The following PTP4A3 variants were observed in gnomAD, a reference collection of about 807,000 sequenced individuals.
PTP4A3 encodes protein tyrosine phosphatase 4A3.
Under a neutral mutation model 15.2 loss-of-function variants are expected in PTP4A3, and 9 were observed. That is an observed-to-expected ratio of 0.59 (90% CI 0.36 to 1.03). The LOEUF is 1.03. PTP4A3 is among the 50% of genes least tolerant of loss of function. PTP4A3 has a pLI of 0.02. For synonymous variants in PTP4A3, 95 were observed against 102.0 expected, an observed-to-expected ratio of 0.93 and a Z score of 0.41; for missense variants, 234 against 252.1, an observed-to-expected ratio of 0.93 and a Z score of 0.49.
At chr8:141,418,231 C>T (rs2130063972) in intron 1 of PTP4A3, among the ~76,000 whole-genome samples, 2 of 152,336 alleles carry the variant, frequency 1.3e-5, no homozygotes, top group East Asian at 3.9e-4. Flanking sequence ...GCTTACTTCT[C>T]CTGAGACCCG....
In PTP4A3 at chr8:141,425,199, G is replaced by T; in HGVS notation, c.198+59G>T. On this transcript the variant is annotated intron_variant, in intron 3 of 5. Coordinates refer to ENST00000521578, the MANE Select transcript of PTP4A3 (RefSeq NM_032611.3). This position sits in a 1 kb window ranked among gnomAD's most constrained non-coding sequence, Gnocchi z 4.2. ...CTGCCACCGGGGGAGGGTGGGGCGG[G>T]GGGCTCCGGGCCTGCGCAGAGGGTT... 2 of 844,216 alleles carry T rather than the reference G, an allele frequency of 2.4e-6. No homozygotes were observed. Among genetic ancestry groups the T allele is most frequent in the South Asian group, 1.4e-5 (1 of 72,656 alleles). 52.3% of individuals were successfully genotyped at this position (844,216 alleles called of 1,614,324 possible).
At chr8:141,424,917 A>G (rs1229725188) in intron 2 of PTP4A3, 131 bp from the exon 3 acceptor site, 10 of 740,528 alleles carry the variant, frequency 1.4e-5, no homozygotes, top group Non-Finnish European at 2.0e-5. Context: ...GAGAGGTCTG[A>G]GGGGACATGT....
Position 141,431,406 on chromosome 8 carries a change from C to A in PTP4A3, c.*362C>A, listed in dbSNP as rs1833871343. 3.6e-6 allele frequency: 1 copy of A among 280,662 alleles called. No individual in the cohort carries two copies. The highest frequency in any genetic ancestry group is 2.2e-5 in the African/African-American group (1 of 45,050). 17.4% of individuals were successfully genotyped at this position (280,662 alleles called of 1,614,324 possible). A position where few individuals can be genotyped will look rare whatever the true frequency, so the allele number is the denominator to read the frequency against. The stretch of plus-strand genomic sequence containing the variant: ...GGGGTATATTTTGTAACCACTGGGC[C>A]CCCAGCCCCTCTTTTGCGACCCCTT... On this transcript the variant is annotated 3_prime_UTR_variant, in exon 6 of 6. Coordinates refer to ENST00000521578, the MANE Select transcript of PTP4A3 (RefSeq NM_032611.3).
At chr8:141,399,336 C>T (rs1488797983) in intron 1 of PTP4A3, among the ~76,000 whole-genome samples, 1 of 152,244 alleles carries the variant, frequency 6.6e-6, no homozygotes, top group Non-Finnish European at 1.5e-5. Flanking sequence ...CCTGGGTCAG[C>T]CGCAGAGGCC....
intron 2 of PTP4A3, among the ~76,000 whole-genome samples, chr8:141,424,247 G>A (rs1384820298): frequency 6.6e-6 from 1 of 152,160 alleles, no homozygotes; most frequent in African/African-American, 2.4e-5. Flanking sequence ...AAATAGCTAC[G>A]AGAGCAGGTG....
chr8:141,395,191 G>A (rs757281064), intron 1 of PTP4A3, among the ~76,000 whole-genome samples: 4 of 152,000 alleles, frequency 2.6e-5, no homozygotes, highest in Non-Finnish European at 4.4e-5. Context: ...CCCAGTAGGC[G>A]TTCACCTGGC....
At chr8:141,411,169 G>A (rs536322984) in intron 1 of PTP4A3, among the ~76,000 whole-genome samples, 10 of 152,302 alleles carry the variant, frequency 6.6e-5, no homozygotes, top group Admixed American at 3.3e-4. Context: ...GCCGAGCCCC[G>A]CTTTTTCTGC....
intron 1 of PTP4A3, among the ~76,000 whole-genome samples, chr8:141,421,045 C>T (rs1382824660): frequency 6.6e-6 from 1 of 152,180 alleles, no homozygotes. Context: ...CCTCTGTCCC[C>T]ACAGAGGGAT....
In PTP4A3 at chr8:141,431,421, T is replaced by TG. The variant is rs1833872564; in HGVS notation, c.*378dup. 1 of 259,870 alleles carries TG rather than the reference T, an allele frequency of 3.8e-6. No individual in the cohort carries two copies. The highest frequency in any genetic ancestry group is 2.3e-5 in the African/African-American group (1 of 44,134). The allele number at this position is 259,870 out of a possible 1,614,324, so 16.1% of individuals were successfully genotyped here. The stretch of plus-strand genomic sequence containing the variant: ...ACCACTGGGCCCCCAGCCCCTCTTT[T>TG]GCGACCCCTTGTCCTGACCTGTTCT... On this transcript the variant is annotated 3_prime_UTR_variant, in exon 6 of 6. Coordinates refer to ENST00000521578, the MANE Select transcript of PTP4A3 (RefSeq NM_032611.3).
At chr8:141,413,255 G>A (rs1832916564) in intron 1 of PTP4A3, among the ~76,000 whole-genome samples, 2 of 152,236 alleles carry the variant, frequency 1.3e-5, no homozygotes, top group South Asian at 2.1e-4. Context: ...AGGGACTGGG[G>A]CGGGGAGAGG....
chr8:141,414,987 G>A (rs1832983455), intron 1 of PTP4A3, among the ~76,000 whole-genome samples: 1 of 147,928 alleles, frequency 6.8e-6, no homozygotes, highest in African/African-American at 2.5e-5. Flanking sequence ...GTTAGAAGTT[G>A]TGTATATGGG....
intron 5 of PTP4A3, 69 bp from the exon 6 acceptor site, chr8:141,430,858 T>A: frequency 6.7e-7 from 1 of 1,485,928 alleles, no homozygotes; most frequent in African/African-American, 1.4e-5. Flanking sequence ...AGATTCCAGC[T>A]CCCTGGGGCA....
Position 141,421,970 on chromosome 8 carries a change from G to A in PTP4A3, c.-271G>A. ...CCGCTTTACTTTGGTTGGGTTGGGG[G>A]GGGCGGCGGGCTGTTTTGTTCCTTT... On this transcript the variant is annotated 5_prime_UTR_variant, in exon 2 of 6. Transcript: ENST00000521578. 1 of 433,340 alleles carries A rather than the reference G, an allele frequency of 2.3e-6. No homozygotes were observed. Among genetic ancestry groups the A allele is most frequent in the South Asian group, 3.8e-5 (1 of 26,278 alleles). 26.8% of individuals were successfully genotyped at this position (433,340 alleles called of 1,614,324 possible). A position where few individuals can be genotyped will look rare whatever the true frequency, so the allele number is the denominator to read the frequency against.
chr8:141,414,134 GA>G (rs1403138909), intron 1 of PTP4A3, among the ~76,000 whole-genome samples: 2 of 152,232 alleles, frequency 1.3e-5, no homozygotes, highest in Non-Finnish European at 2.9e-5. Context: ...GTGCTTGCCA[GA>G]GCTTCCCATT....
intron 2 of PTP4A3, among the ~76,000 whole-genome samples, chr8:141,423,870 A>G (rs1586562975): frequency 6.6e-6 from 1 of 151,804 alleles, no homozygotes; most frequent in South Asian, 2.1e-4. Context: ...GACCCAGATC[A>G]AGGCTCGGTA....
intron 3 of PTP4A3, 180 bp from the exon 4 acceptor site, chr8:141,426,759 A>T (rs1833593043): frequency 1.1e-6 from 1 of 925,354 alleles, no homozygotes; most frequent in Non-Finnish European, 1.3e-6. Context: ...TGAAGCACTC[A>T]CCATGGGGTG....
chr8:141,403,409 C>T (rs868617017), intron 1 of PTP4A3, among the ~76,000 whole-genome samples: 2 of 152,226 alleles, frequency 1.3e-5, no homozygotes, highest in Non-Finnish European at 2.9e-5. Flanking sequence ...AGGCTGGCCA[C>T]AGGGGCACCC....
intron 1 of PTP4A3, among the ~76,000 whole-genome samples, chr8:141,395,872 G>C (rs1257524631): frequency 1.3e-5 from 2 of 152,208 alleles, no homozygotes; most frequent in South Asian, 2.1e-4. Flanking sequence ...CAGATGTAGG[G>C]GTGCCCTCAT....
chr8:141,417,922 G>A (rs1269809132), intron 1 of PTP4A3, among the ~76,000 whole-genome samples: 1 of 151,866 alleles, frequency 6.6e-6, no homozygotes, highest in African/African-American at 2.4e-5. Flanking sequence ...GCCTGGAGCC[G>A]GCTCCGCGGC....
Sources: allele counts gnomAD v4.1 joint callset (sites outside exome capture counted in the v4.1 genomes callset), GRCh38; gene constraint gnomAD v4.1.1; non-coding constraint Gnocchi (gnomAD v3.1); transcripts MANE v1.5; gene names NCBI Gene and HGNC (gene_info 2026-07-23, HGNC 2026-07-21).